NHLH1: variants seen among roughly 807,000 people sequenced by gnomAD.
The protein encoded by NHLH1 is helix-loop-helix protein 1.
NHLH1 carries 3 observed loss-of-function variants against 6.7 expected under a neutral mutation model. The ratio of observed to expected loss-of-function variants is 0.44; its 90% confidence interval spans 0.20 to 1.15. NHLH1 has a LOEUF of 1.15. NHLH1 is among the 50% of genes most tolerant of loss of function. The pLI, the probability that NHLH1 is intolerant of heterozygous loss-of-function variation, is 0.26. For missense variants in NHLH1, 177 were observed against 189.5 expected (o/e 0.93, Z 0.39); for synonymous variants, 92 against 84.2 (o/e 1.09, Z -0.51).
Position 160,372,372 on chromosome 1 carries a change from CTTAT to C in NHLH1, c.*1252_*1255del, listed in dbSNP as rs10637656. 7 of 165,436 alleles carry C rather than the reference CTTAT, an allele frequency of 4.2e-5. No individual in the cohort carries two copies. Among genetic ancestry groups the C allele is most frequent in the South Asian group, 2.1e-4 (1 of 4,764 alleles). The allele number at this position is 165,436 out of a possible 1,614,324, so 10.2% of individuals were successfully genotyped here. ...ATTTATTTATTCATCTATTTATTTA[CTTAT>C]TTATTTATTTATAAATATTGCTATT... On this transcript the variant is annotated 3_prime_UTR_variant, in exon 2 of 2. Coordinates refer to ENST00000302101, the MANE Select transcript of NHLH1 (RefSeq NM_005598.4).
intron 1 of NHLH1, among the ~76,000 whole-genome samples, chr1:160,367,772 T>C (rs891277049): frequency 1.3e-4 from 20 of 151,946 alleles, no homozygotes; most frequent in Non-Finnish European, 2.5e-4. Flanking sequence ...TGAAGGAACA[T>C]AGGGACCGGG....
chr1:160,371,383 T>A lies in NHLH1; in HGVS notation c.*250T>A. ...GGCCCAGCTGTGCAGAATTGTTTGC[T>A]AGTGTGGTTGGTATGGAATCCTTGC... On this transcript the variant is annotated 3_prime_UTR_variant, in exon 2 of 2. Transcript: ENST00000302101. The A allele has an allele frequency of 2.0e-6, 1 of 495,704 alleles. No homozygotes were observed. The highest frequency in any genetic ancestry group is 3.5e-6 in the Non-Finnish European group (1 of 285,218). 30.7% of individuals were successfully genotyped at this position (495,704 alleles called of 1,614,324 possible). A position where few individuals can be genotyped will look rare whatever the true frequency, so the allele number is the denominator to read the frequency against.
intron 1 of NHLH1, among the ~76,000 whole-genome samples, chr1:160,368,956 A>G (rs1250045711): frequency 6.6e-6 from 1 of 152,168 alleles, no homozygotes; most frequent in Non-Finnish European, 1.5e-5. Flanking sequence ...TAGATAAAAA[A>G]CAGCATACAA....
rs1393823610 is a variant in NHLH1 at position 160,367,351 on chromosome 1, C to T, written c.-176+14C>T. 1 of 152,258 alleles carries T rather than the reference C, an allele frequency of 6.6e-6. No individual in the cohort carries two copies. Among genetic ancestry groups the T allele is most frequent in the African/African-American group, 2.4e-5 (1 of 41,406 alleles). 9.4% of individuals were successfully genotyped at this position (152,258 alleles called of 1,614,324 possible). A position where few individuals can be genotyped will look rare whatever the true frequency, so the allele number is the denominator to read the frequency against. Reference sequence around the variant, plus strand: ...GGGTCCTTCTAGGTAAAGGGGAAACCATGGGCGGGGAGGGATGGGCGTGTC... The same window carrying T: ...GGGTCCTTCTAGGTAAAGGGGAAACTATGGGCGGGGAGGGATGGGCGTGTC... On this transcript the variant is annotated intron_variant, in intron 1 of 1. Coordinates refer to ENST00000302101, the MANE Select transcript of NHLH1 (RefSeq NM_005598.4).
At chr1:160,368,492 C>G (rs1317128557) in intron 1 of NHLH1, among the ~76,000 whole-genome samples, 1 of 152,192 alleles carries the variant, frequency 6.6e-6, no homozygotes, top group Admixed American at 6.5e-5. Context: ...ATTATGTTCC[C>G]TTTCCCCAAT....
At position 160,370,640 on chromosome 1, in the gene NHLH1, C is replaced by T. The variant is rs1017586034; in HGVS notation, c.-92C>T. ...GTGGCAGACCCCACGACCCTTCCTC[C>T]CCCTTCCTCCCCCTCCCACCACCAG... On this transcript the variant is annotated 5_prime_UTR_variant, in exon 2 of 2. Coordinates refer to ENST00000302101, the MANE Select transcript of NHLH1 (RefSeq NM_005598.4). 32 of 1,333,960 alleles carry T rather than the reference C, an allele frequency of 2.4e-5. No homozygotes were observed. The African/African-American group carries it at 3.5e-4, about 14-fold the overall frequency. The allele number at this position is 1,333,960 out of a possible 1,614,324, so 82.6% of individuals were successfully genotyped here. A position where few individuals can be genotyped will look rare whatever the true frequency, so the allele number is the denominator to read the frequency against.
rs761456925 is a variant in NHLH1, at chr1:160,370,692, G to T, written c.-40G>T. 24 of 1,600,940 alleles carry T rather than the reference G, an allele frequency of 1.5e-5. No homozygotes were observed. The highest frequency in any genetic ancestry group is 2.2e-5 in the East Asian group (1 of 44,540). On this transcript the variant is annotated 5_prime_UTR_variant, in exon 2 of 2. Transcript: ENST00000302101. ...TTTCAAGCTCCCAGAGGGAGGGGTG[G>T]GGAGGGGATCCTGATCTCACAGGGC... is the stretch of plus-strand genomic sequence containing the variant.
chr1:160,371,051 C>A lies in NHLH1; in HGVS notation c.320C>A (p.Pro107His). 3 of 1,614,124 alleles carry A rather than the reference C, an allele frequency of 1.9e-6. No individual in the cohort carries two copies. The highest frequency in any genetic ancestry group is 2.5e-6 in the Non-Finnish European group (3 of 1,180,010). ...CGCAAGCTGCTGCCTACGCTGCCCC[C>A]CGACAAGAAGCTCTCCAAGATTGAG... ...ELRKLLPTLP[P>H]DKKLSKIEIL... Residue 107 changes from proline to histidine, a missense_variant, in exon 2 of 2, where the codon CCC (proline) becomes CAC (histidine). Pro to His is a moderately conservative substitution (Grantham distance 77). Transcript: ENST00000302101.
chr1:160,368,727 A>G (rs953453628), intron 1 of NHLH1, among the ~76,000 whole-genome samples: 3 of 152,194 alleles, frequency 2.0e-5, no homozygotes, highest in Non-Finnish European at 4.4e-5. Flanking sequence ...GCAGAGCTCC[A>G]TATGTCCTAG....
In NHLH1 at chr1:160,372,073, A is replaced by G. The variant is rs932846362; in HGVS notation, c.*940A>G. 3.6e-5 allele frequency: 6 copies of G among 166,944 alleles called. No homozygotes were observed. The highest frequency in any genetic ancestry group is 7.2e-5 in the African/African-American group (3 of 41,426). The allele number at this position is 166,944 out of a possible 1,614,324, so 10.3% of individuals were successfully genotyped here. A position where few individuals can be genotyped will look rare whatever the true frequency, so the allele number is the denominator to read the frequency against. ...CCCCCCAACGCAAGGAGGATGCCCA[A>G]TTGTTGCCCTCTGAAAATGCACAGT... On this transcript the variant is annotated 3_prime_UTR_variant, in exon 2 of 2. Coordinates refer to ENST00000302101, the MANE Select transcript of NHLH1 (RefSeq NM_005598.4).
In NHLH1 at chr1:160,371,780, T is replaced by C. The variant is rs1247607166; in HGVS notation, c.*647T>C. 6.0e-6 allele frequency: 1 copy of C among 167,112 alleles called. No individual in the cohort carries two copies. Among genetic ancestry groups the C allele is most frequent in the Non-Finnish European group, 1.5e-5 (1 of 68,158 alleles). The allele number at this position is 167,112 out of a possible 1,614,324, so 10.4% of individuals were successfully genotyped here. Reference sequence around the variant, plus strand: ...TCCTGTGGCTTAGCACATACAGACCTCAGATCTTACTTGGTAGTGAGTGCC... The same window carrying C: ...TCCTGTGGCTTAGCACATACAGACCCCAGATCTTACTTGGTAGTGAGTGCC... On this transcript the variant is annotated 3_prime_UTR_variant, in exon 2 of 2. Coordinates refer to ENST00000302101, the MANE Select transcript of NHLH1 (RefSeq NM_005598.4).
rs758918144 is a variant in NHLH1, at chr1:160,372,509, T to A, written c.*1376T>A. On this transcript the variant is annotated 3_prime_UTR_variant, in exon 2 of 2. Coordinates refer to ENST00000302101, the MANE Select transcript of NHLH1 (RefSeq NM_005598.4). Reference sequence around the variant, plus strand: ...CGCCTTTCCTTTTCTTGCTCCTTCTTCAACTCCTGGTGTGTGTGAGCATGC... The same window carrying A: ...CGCCTTTCCTTTTCTTGCTCCTTCTACAACTCCTGGTGTGTGTGAGCATGC... 1.2e-5 allele frequency: 2 copies of A among 167,124 alleles called. No individual in the cohort carries two copies. Among genetic ancestry groups the A allele is most frequent in the Non-Finnish European group, 2.9e-5 (2 of 68,202 alleles). 10.4% of individuals were successfully genotyped at this position (167,124 alleles called of 1,614,324 possible).
rs1457940891 is a variant in NHLH1, at chr1:160,370,960, C to A, written c.229C>A (p.Arg77Ser). Residue 77 changes from arginine (R) to serine (S), a missense_variant, in exon 2 of 2, where the codon CGC (arginine) becomes AGC (serine). Coordinates refer to ENST00000302101, the MANE Select transcript of NHLH1 (RefSeq NM_005598.4). The part of the protein sequence containing the change: ...RRRRRATAKY[R>S]TAHATRERIR... ...CCGGCGCCGCGCCACAGCCAAGTAC[C>A]GCACGGCCCACGCCACGCGAGAACG... 1 of 1,612,242 alleles carries A rather than the reference C, an allele frequency of 6.2e-7. No individual in the cohort carries two copies.
chr1:160,370,656 C>G lies in NHLH1; in HGVS notation c.-76C>G, dbSNP rs1406968921. ...CCCTTCCTCCCCCTTCCTCCCCCTC[C>G]CACCACCAGCTTTCAAGCTCCCAGA... On this transcript the variant is annotated 5_prime_UTR_variant, in exon 2 of 2. Transcript: ENST00000302101. 6.7e-7 allele frequency: 1 copy of G among 1,487,054 alleles called. No individual in the cohort carries two copies. The highest frequency in any genetic ancestry group is 1.2e-5 in the South Asian group (1 of 81,316). The allele number at this position is 1,487,054 out of a possible 1,614,324, so 92.1% of individuals were successfully genotyped here.
Position 160,372,183 on chromosome 1 carries a change from G to T in NHLH1, c.*1050G>T, listed in dbSNP as rs1053256455. 1 of 166,896 alleles carries T rather than the reference G, an allele frequency of 6.0e-6. No individual in the cohort carries two copies. The highest frequency in any genetic ancestry group is 1.5e-5 in the Non-Finnish European group (1 of 68,116). The allele number at this position is 166,896 out of a possible 1,614,324, so 10.3% of individuals were successfully genotyped here. On this transcript the variant is annotated 3_prime_UTR_variant, in exon 2 of 2. Coordinates refer to ENST00000302101, the MANE Select transcript of NHLH1 (RefSeq NM_005598.4). Reference sequence around the variant, plus strand: ...CAAGGGAAGAGACCCCCAACTCTGCGCCCCTACTCCATGCTGCTGATCCCC... The same window carrying T: ...CAAGGGAAGAGACCCCCAACTCTGCTCCCCTACTCCATGCTGCTGATCCCC...
Position 160,370,610 on chromosome 1 carries a change from G to A in NHLH1, c.-122G>A. On this transcript the variant is annotated 5_prime_UTR_variant, in exon 2 of 2. Coordinates refer to ENST00000302101, the MANE Select transcript of NHLH1 (RefSeq NM_005598.4). The stretch of plus-strand genomic sequence containing the variant: ...CCCTGAAGTGGCAGTGACTTCTAGA[G>A]CTCAGTGGCAGACCCCACGACCCTT... 1 of 893,570 alleles carries A rather than the reference G, an allele frequency of 1.1e-6. No homozygotes were observed. The highest frequency in any genetic ancestry group is 1.7e-5 in the South Asian group (1 of 59,072). 55.4% of individuals were successfully genotyped at this position (893,570 alleles called of 1,614,324 possible).
At chr1:160,367,990 C>G (rs576895874) in intron 1 of NHLH1, among the ~76,000 whole-genome samples, 3 of 152,288 alleles carry the variant, frequency 2.0e-5, no homozygotes, top group African/African-American at 7.2e-5. Flanking sequence ...AATTTCAGCA[C>G]TAACCACCTT....
At position 160,370,679 on chromosome 1, in the gene NHLH1, A is replaced by G; in HGVS notation, c.-53A>G. ...TCCCACCACCAGCTTTCAAGCTCCC[A>G]GAGGGAGGGGTGGGGAGGGGATCCT... On this transcript the variant is annotated 5_prime_UTR_variant, in exon 2 of 2. Transcript: ENST00000302101. 6.4e-7 allele frequency: 1 copy of G among 1,572,770 alleles called. No individual in the cohort carries two copies. Among genetic ancestry groups the G allele is most frequent in the South Asian group, 1.1e-5 (1 of 87,094 alleles).
intron 1 of NHLH1, among the ~76,000 whole-genome samples, chr1:160,368,011 T>C (rs1649531348): frequency 6.6e-6 from 1 of 152,172 alleles, no homozygotes; most frequent in Non-Finnish European, 1.5e-5. Flanking sequence ...CTGTTTCCTG[T>C]TAAGATTGTG....
Sources: gnomAD v4.1 joint callset for allele counts (sites outside exome capture counted in the v4.1 genomes callset) on GRCh38, gnomAD v4.1.1 for gene constraint, MANE v1.5 for transcripts, NCBI Gene and HGNC (gene_info 2026-07-23, HGNC 2026-07-21) for gene names.